Variants in SCUBE3 observed in about 807,000 individuals in gnomAD.
The protein encoded by SCUBE3 is signal peptide, CUB and EGF-like domain-containing protein 3.
A neutral mutation model predicts 116.8 loss-of-function variants in SCUBE3; 33 were observed. That is an observed-to-expected ratio of 0.28 (90% CI 0.21 to 0.38). SCUBE3 has a LOEUF of 0.38. Ranked by LOEUF, SCUBE3 falls within the 10% of genes least tolerant of loss-of-function variation. The pLI is 1.00. For missense variants in SCUBE3, 1,007 were observed against 1,324.8 expected (o/e 0.76, Z 3.72); for synonymous variants, 418 against 496.9 (o/e 0.84, Z 2.11).
Position 35,214,470 on chromosome 6 carries a change from GC to G in SCUBE3, c.55del (p.Arg19AlafsTer112). 1 of 1,506,876 alleles carries G rather than the reference GC, an allele frequency of 6.6e-7. No homozygotes were observed. The highest frequency in any genetic ancestry group is 8.8e-7 in the Non-Finnish European group (1 of 1,132,362). 93.3% of individuals were successfully genotyped at this position (1,506,876 alleles called of 1,614,324 possible). ...CTGCCTGCTTGTCCTGCTGGTCCAC[GC>G]CCGCGCCGCCCAGTACAGCAAAGCC... ...GLCLLVLLVH[A>X]RAAQYSKAAQ... On this transcript the variant is annotated frameshift_variant, in exon 1 of 22. Transcript: ENST00000274938. LOFTEE classifies it high-confidence loss of function. The surrounding 1 kb of genome is among the most constrained non-coding windows in gnomAD (Gnocchi z 6.3).
At chr6:35,218,971 G>A (rs1783027228) in intron 1 of SCUBE3, among the ~76,000 whole-genome samples, 1 of 152,158 alleles carries the variant, frequency 6.6e-6, no homozygotes, top group Non-Finnish European at 1.5e-5. Flanking sequence ...GCAGCCCTGA[G>A]ATTCTGCACA....
rs982771778 is a variant in SCUBE3 at position 35,245,813 on chromosome 6, T to C, written c.2600-131T>C. 1.8e-5 allele frequency: 17 copies of C among 949,308 alleles called. No homozygotes were observed. The highest frequency in any genetic ancestry group is 2.4e-5 in the Non-Finnish European group (15 of 619,764). 58.8% of individuals were successfully genotyped at this position (949,308 alleles called of 1,614,324 possible). A position where few individuals can be genotyped will look rare whatever the true frequency, so the allele number is the denominator to read the frequency against. On this transcript the variant is annotated intron_variant, in intron 19 of 21. Coordinates refer to ENST00000274938, the MANE Select transcript of SCUBE3 (RefSeq NM_152753.4). The surrounding 1 kb of genome is among the most constrained non-coding windows in gnomAD (Gnocchi z 4.2). ...GAGGGTGTGGGGTAGGGTGTGTGTA[T>C]GCGAAGGGGGAGCCTTTGTCAGAAT...
At chr6:35,220,549 CAT>C (rs1783084146) in intron 1 of SCUBE3, 1 of 152,100 alleles carries the variant, frequency 6.6e-6, no homozygotes, top group Non-Finnish European at 1.5e-5. Flanking sequence ...TGATTTTGTC[CAT>C]ACTGAAAGGG....
In SCUBE3 at chr6:35,228,974, G is replaced by A. The variant is rs774514154; in HGVS notation, c.334+235G>A. On this transcript the variant is annotated intron_variant, in intron 3 of 21. Transcript: ENST00000274938. This position sits in a 1 kb window ranked among gnomAD's most constrained non-coding sequence, Gnocchi z 4.9. ...GCTCCTAGGGCAAGGGCCAGGAGAT[G>A]GGAATAGTGGGTTTAGCCAGTGGTG... Among the ~76,000 whole-genome samples the A allele has an allele frequency of 1.3e-5, 2 of 152,192 alleles. No individual in the cohort carries two copies. Among genetic ancestry groups the A allele is most frequent in the Non-Finnish European group, 2.9e-5 (2 of 68,026 alleles).
intron 1 of SCUBE3, among the ~76,000 whole-genome samples, chr6:35,225,788 G>A (rs1783299699): frequency 1.3e-5 from 2 of 152,166 alleles, no homozygotes; most frequent in Admixed American, 1.3e-4. Flanking sequence ...ACTGGTCCAT[G>A]CATCCATTCA....
In SCUBE3 at chr6:35,242,622, G is replaced by A. The variant is rs746281830; in HGVS notation, c.1535G>A (p.Gly512Asp). The A allele has an allele frequency of 4.4e-6, 7 of 1,607,534 alleles. No homozygotes were observed. Among genetic ancestry groups the A allele is most frequent in the Non-Finnish European group, 6.0e-6 (7 of 1,174,714 alleles). The change falls in exon 14 of 22, where the codon GGT (glycine) becomes GAT (aspartate). Residue 512 changes from glycine to aspartate, a missense_variant and splice_region_variant. Gly to Asp is a moderately conservative substitution (Grantham distance 94). Coordinates refer to ENST00000274938, the MANE Select transcript of SCUBE3 (RefSeq NM_152753.4). ...TEEAGRITGP[G>D]GAPCSECQVT... ...GGGGTTGACAAGCCCTCTCTCCCAG[G>A]TGGTGCCCCCTGCTCTGAATGCCAG...
At position 35,235,426 on chromosome 6, in the gene SCUBE3, T is replaced by G. The variant is rs13214290; in HGVS notation, c.712+2125T>G. The G allele has an allele frequency of 0.78, 991,455 of 1,265,856 alleles. 396,531 individuals are homozygous for G. The highest frequency in any genetic ancestry group is 0.82 in the South Asian group (65,963 of 80,522). 78.4% of individuals were successfully genotyped at this position (1,265,856 alleles called of 1,614,324 possible). ...GGCTTCTGCCCAGCACCTAAACAGCTTTTTTACAATGTCAAACAGGGGAAA... is the reference window on the plus strand; with the variant it reads ...GGCTTCTGCCCAGCACCTAAACAGCGTTTTTACAATGTCAAACAGGGGAAA... On this transcript the variant is annotated intron_variant, in intron 6 of 21. Coordinates refer to ENST00000274938, the MANE Select transcript of SCUBE3 (RefSeq NM_152753.4). This position sits in a 1 kb window ranked among gnomAD's most constrained non-coding sequence, Gnocchi z 4.5.
rs1784499860 is a variant in SCUBE3, at chr6:35,250,103, C to T, written c.*1398C>T. On this transcript the variant is annotated 3_prime_UTR_variant, in exon 22 of 22. Coordinates refer to ENST00000274938, the MANE Select transcript of SCUBE3 (RefSeq NM_152753.4). Reference sequence around the variant, plus strand: ...ATGCCACCACTGGCCACCTAGAGCCCTTGGCTGTGGTAATCCAGGGTAATT... The same window carrying T: ...ATGCCACCACTGGCCACCTAGAGCCTTTGGCTGTGGTAATCCAGGGTAATT... The T allele has an allele frequency of 6.6e-6, 1 of 152,484 alleles. No homozygotes were observed. Among genetic ancestry groups the T allele is most frequent in the Non-Finnish European group, 1.5e-5 (1 of 68,044 alleles). The allele number at this position is 152,484 out of a possible 1,614,324, so 9.4% of individuals were successfully genotyped here.
rs113302940 is a variant in SCUBE3 at position 35,214,472 on chromosome 6, C to T, written c.54C>T (p.Ala18=). ...GLCLLVLLVH[A]RAAQYSKAAQ... Reference sequence around the variant, plus strand: ...GCCTGCTTGTCCTGCTGGTCCACGCCCGCGCCGCCCAGTACAGCAAAGCCG... The same window carrying T: ...GCCTGCTTGTCCTGCTGGTCCACGCTCGCGCCGCCCAGTACAGCAAAGCCG... Residue 18 remains alanine (A), a synonymous_variant, in exon 1 of 22, where the codon GCC becomes GCT. Transcript: ENST00000274938. This position sits in a 1 kb window ranked among gnomAD's most constrained non-coding sequence, Gnocchi z 6.3. 28,214 of 1,507,702 alleles carry T rather than the reference C, an allele frequency of 0.019. 313 individuals are homozygous for T. Among genetic ancestry groups the T allele is most frequent in the Non-Finnish European group, 0.022 (25,442 of 1,132,692 alleles). The allele number at this position is 1,507,702 out of a possible 1,614,324, so 93.4% of individuals were successfully genotyped here. A position where few individuals can be genotyped will look rare whatever the true frequency, so the allele number is the denominator to read the frequency against.
Position 35,248,742 on chromosome 6 carries a change from C to T in SCUBE3, c.*37C>T. 6.3e-7 allele frequency: 1 copy of T among 1,598,894 alleles called. No homozygotes were observed. The highest frequency in any genetic ancestry group is 2.2e-5 in the East Asian group (1 of 44,744). On this transcript the variant is annotated 3_prime_UTR_variant, in exon 22 of 22. Coordinates refer to ENST00000274938, the MANE Select transcript of SCUBE3 (RefSeq NM_152753.4). ...TCAGAGACCCAATTTTTTAAGCCCC[C>T]AGACTCCTTAGCCCTCAGAGCCGGC...
Position 35,244,627 on chromosome 6 carries a change from C to T in SCUBE3, c.2240-23C>T. The T allele has an allele frequency of 1.2e-6, 2 of 1,608,996 alleles. No individual in the cohort carries two copies. Among genetic ancestry groups the T allele is most frequent in the Non-Finnish European group, 1.7e-6 (2 of 1,175,754 alleles). On this transcript the variant is annotated intron_variant, in intron 17 of 21. Coordinates refer to ENST00000274938, the MANE Select transcript of SCUBE3 (RefSeq NM_152753.4). The surrounding 1 kb of genome is among the most constrained non-coding windows in gnomAD (Gnocchi z 4.3). ...TCCCACCTGCCTACCATCTTGATTC[C>T]TGCCCTTCTCCCTTGCCTACAGTCC...
chr6:35,235,482 C>T lies in SCUBE3; in HGVS notation c.712+2181C>T. 1 of 1,286,514 alleles carries T rather than the reference C, an allele frequency of 7.8e-7. No homozygotes were observed. The highest frequency in any genetic ancestry group is 1.2e-5 in the South Asian group (1 of 80,978). The allele number at this position is 1,286,514 out of a possible 1,614,324, so 79.7% of individuals were successfully genotyped here. Reference sequence around the variant, plus strand: ...CTAGAGCAGCACATCCCCACTCAAGCCGTTTCTAATGGTAAATATGTCTGC... The same window carrying T: ...CTAGAGCAGCACATCCCCACTCAAGTCGTTTCTAATGGTAAATATGTCTGC... On this transcript the variant is annotated intron_variant, in intron 6 of 21. Coordinates refer to ENST00000274938, the MANE Select transcript of SCUBE3 (RefSeq NM_152753.4). This position sits in a 1 kb window ranked among gnomAD's most constrained non-coding sequence, Gnocchi z 4.5.
rs535043794 is a variant in SCUBE3, at chr6:35,232,595, G to A, written c.470-255G>A. ...AATGTTTTGGTTGTTTAAAGGAAAG[G>A]GTGATCATTCGTTGGGATGAGTATC... is the stretch of plus-strand genomic sequence containing the variant. On this transcript the variant is annotated intron_variant, in intron 4 of 21. Transcript: ENST00000274938. The surrounding 1 kb of genome is among the most constrained non-coding windows in gnomAD (Gnocchi z 4.2). Among the ~76,000 whole-genome samples the A allele has an allele frequency of 1.2e-3, 185 of 152,206 alleles. 1 individual carries two copies. Among genetic ancestry groups the A allele is most frequent in the African/African-American group, 4.2e-3 (176 of 41,504 alleles).
rs141637977 is a variant in SCUBE3 at position 35,229,646 on chromosome 6, G to T, written c.334+907G>T. Among the ~76,000 whole-genome samples, 36 of 152,262 alleles carry T rather than the reference G, an allele frequency of 2.4e-4. No homozygotes were observed. In the East Asian group the frequency reaches 6.6e-3, roughly 28 times the overall value. On this transcript the variant is annotated intron_variant, in intron 3 of 21. Coordinates refer to ENST00000274938, the MANE Select transcript of SCUBE3 (RefSeq NM_152753.4). ...TCTCCAGTCTCACCCTCTCCTCACT[G>T]ATCTCCTTTGTCCCAGGAGCTGGAT... is the stretch of plus-strand genomic sequence containing the variant.
chr6:35,237,067 C>T (rs1352399708), intron 6 of SCUBE3, among the ~76,000 whole-genome samples: 1 of 152,208 alleles, frequency 6.6e-6, no homozygotes, highest in Non-Finnish European at 1.5e-5. Flanking sequence ...GCATAAGAGA[C>T]TTAGCTAAAA....
chr6:35,242,914 G>A lies in SCUBE3; in HGVS notation c.1694-107G>A, dbSNP rs925017663. On this transcript the variant is annotated intron_variant, in intron 14 of 21. Transcript: ENST00000274938. ...ACCCTGCCTGGTGCCAAGCCTAAAAGCTAGTCCCTCTTACCATGCCCCTCC... is the reference window on the plus strand; with the variant it reads ...ACCCTGCCTGGTGCCAAGCCTAAAAACTAGTCCCTCTTACCATGCCCCTCC... 6 of 1,495,284 alleles carry A rather than the reference G, an allele frequency of 4.0e-6. No individual in the cohort carries two copies. In the African/African-American group the frequency reaches 5.5e-5, roughly 14 times the overall value. The allele number at this position is 1,495,284 out of a possible 1,614,324, so 92.6% of individuals were successfully genotyped here. A position where few individuals can be genotyped will look rare whatever the true frequency, so the allele number is the denominator to read the frequency against.
In SCUBE3 at chr6:35,250,656, C is replaced by G. The variant is rs963106077; in HGVS notation, c.*1951C>G. Reference sequence around the variant, plus strand: ...TTTCTGTTTTCTCACTCTAGTTCCCCCAAAGCTGTAGTCCCAATCAATCAA... The same window carrying G: ...TTTCTGTTTTCTCACTCTAGTTCCCGCAAAGCTGTAGTCCCAATCAATCAA... On this transcript the variant is annotated 3_prime_UTR_variant, in exon 22 of 22. Coordinates refer to ENST00000274938, the MANE Select transcript of SCUBE3 (RefSeq NM_152753.4). The G allele has an allele frequency of 1.3e-5, 2 of 152,088 alleles. No individual in the cohort carries two copies. The highest frequency in any genetic ancestry group is 6.6e-5 in the Admixed American group (1 of 15,256). The allele number at this position is 152,088 out of a possible 1,614,324, so 9.4% of individuals were successfully genotyped here. A position where few individuals can be genotyped will look rare whatever the true frequency, so the allele number is the denominator to read the frequency against.
At chr6:35,242,847 C>T in intron 14 of SCUBE3, 67 bp downstream of exon 14, 1 of 1,579,756 alleles carries the variant, frequency 6.3e-7, no homozygotes, top group Non-Finnish European at 8.7e-7. Flanking sequence ...AACCACAGGT[C>T]TCAGCAGCAA....
rs534346423 is a variant in SCUBE3, at chr6:35,239,645, G to C, written c.830-107G>C. On this transcript the variant is annotated intron_variant, in intron 7 of 21. Coordinates refer to ENST00000274938, the MANE Select transcript of SCUBE3 (RefSeq NM_152753.4). This position sits in a 1 kb window ranked among gnomAD's most constrained non-coding sequence, Gnocchi z 4.1. ...AGAGATCAAGAAGAGGCAGGCCCAG[G>C]ACTCCTTGATTTTTGCATGTCTCTG... 1.0e-6 allele frequency: 1 copy of C among 962,008 alleles called. No individual in the cohort carries two copies. Among genetic ancestry groups the C allele is most frequent in the African/African-American group, 1.7e-5 (1 of 59,848 alleles). 59.6% of individuals were successfully genotyped at this position (962,008 alleles called of 1,614,324 possible).
Sources: gnomAD v4.1 joint callset for allele counts (sites outside exome capture counted in the v4.1 genomes callset) on GRCh38, gnomAD v4.1.1 for gene constraint, Gnocchi (gnomAD v3.1) non-coding constraint, MANE v1.5 for transcripts, NCBI Gene and HGNC (gene_info 2026-07-23, HGNC 2026-07-21) for gene names.